CEP70: variants seen among roughly 807,000 people sequenced by gnomAD.
The protein encoded by CEP70 is centrosomal protein 70, also known as centrosomal protein of 70 kDa.
CEP70 carries 70 observed loss-of-function variants against 90.9 expected under a neutral mutation model. The ratio of observed to expected loss-of-function variants is 0.77; its 90% CI spans 0.64 to 0.94. CEP70 has a LOEUF of 0.94. Ranked by LOEUF, CEP70 falls within the 40% of genes least tolerant of loss-of-function variation. The pLI is 0.00. For synonymous variants in CEP70, 220 were observed against 228.3 expected (o/e 0.96, Z 0.33); for missense variants, 648 against 669.0 (o/e 0.97, Z 0.35).
intron 2 of CEP70, among the ~76,000 whole-genome samples, chr3:138,575,220 A>G (rs2041430950): frequency 6.6e-6 from 1 of 152,184 alleles, no homozygotes; most frequent in East Asian, 1.9e-4. Context: ...GATTAGATGA[A>G]TAGCTTACTA....
intron 11 of CEP70, among the ~76,000 whole-genome samples, chr3:138,515,723 A>G (rs1331598189): frequency 6.6e-6 from 1 of 152,122 alleles, no homozygotes; most frequent in Non-Finnish European, 1.5e-5. Context: ...AATGAAGACT[A>G]TCTATCTCTA....
At chr3:138,551,626 G>T (rs1264350627) in intron 6 of CEP70, among the ~76,000 whole-genome samples, 3 of 151,672 alleles carry the variant, frequency 2.0e-5, no homozygotes, top group African/African-American at 4.8e-5. Context: ...TGTGTCTGTA[G>T]TTCCAGCTAC....
chr3:138,536,519 G>A (rs895358003), intron 7 of CEP70, among the ~76,000 whole-genome samples: 1 of 151,940 alleles, frequency 6.6e-6, no homozygotes, highest in African/African-American at 2.4e-5. Context: ...TGCATACATA[G>A]TGGAATATAT....
chr3:138,523,212 A>AGATAGGACATTT (rs2036855617), intron 11 of CEP70, among the ~76,000 whole-genome samples: 20 of 152,234 alleles, frequency 1.3e-4, no homozygotes, highest in Non-Finnish European at 2.4e-4. Context: ...TTAGGTATTG[A>AGATAGGACATTT]TGGGACATAT....
At chr3:138,519,248 A>AACC (rs2036363319) in intron 11 of CEP70, among the ~76,000 whole-genome samples, 1 of 126,024 alleles carries the variant, frequency 7.9e-6, no homozygotes, top group Admixed American at 7.5e-5. Context: ...ACCAAGCTGG[A>AACC]AAACACTCTG....
chr3:138,500,822 C>T lies in CEP70; in HGVS notation c.1281G>A (p.Lys427=), dbSNP rs556813754. 2.1e-5 allele frequency: 33 copies of T among 1,605,776 alleles called. No homozygotes were observed. The South Asian group carries it at 3.7e-4, about 18-fold the overall frequency. Residue 427 remains lysine (K), a synonymous_variant, in exon 14 of 18, where the codon AAG becomes AAA. Coordinates refer to ENST00000264982, the MANE Select transcript of CEP70 (RefSeq NM_024491.4). The part of the protein sequence containing the change: ...SAELVPWLNL[K]KQDENEGIKV... ...TGATACCTTCATTTTCATCCTGCTT[C>T]TTCAAATTAAGCCAAGGTACCAGTT...
At chr3:138,505,235 TAATA>T (rs1228680102) in intron 13 of CEP70, 56 bp downstream of exon 13, 1 of 1,281,048 alleles carries the variant, frequency 7.8e-7, no homozygotes, top group Non-Finnish European at 1.0e-6. Flanking sequence ...TAAGTCCTAT[TAATA>T]AAGCACATAG....
At chr3:138,567,903 AT>A (rs1445391928) in intron 6 of CEP70, among the ~76,000 whole-genome samples, 6 of 152,096 alleles carry the variant, frequency 3.9e-5, no homozygotes, top group Non-Finnish European at 8.8e-5. Context: ...AAGTAAAAAT[AT>A]TTTTTCCTTC....
At chr3:138,516,282 A>G (rs2036012794) in intron 11 of CEP70, among the ~76,000 whole-genome samples, 1 of 152,230 alleles carries the variant, frequency 6.6e-6, no homozygotes, top group East Asian at 1.9e-4. Context: ...AATATCAAGG[A>G]ATAGTAGGAA....
chr3:138,538,909 A>G (rs1484123870), intron 6 of CEP70, among the ~76,000 whole-genome samples: 2 of 152,178 alleles, frequency 1.3e-5, no homozygotes, highest in East Asian at 3.8e-4. Flanking sequence ...CTGTTGTCAT[A>G]TAATTGTTCA....
chr3:138,569,192 GATTA>G (rs1324099751), intron 6 of CEP70, among the ~76,000 whole-genome samples: 1 of 152,044 alleles, frequency 6.6e-6, no homozygotes, highest in African/African-American at 2.4e-5. Context: ...TAGTATCTCT[GATTA>G]ATTCTCTCGG....
At chr3:138,546,592 T>C (rs527772969) in intron 6 of CEP70, among the ~76,000 whole-genome samples, 2 of 151,922 alleles carry the variant, frequency 1.3e-5, no homozygotes, top group African/African-American at 4.8e-5. Context: ...CTACTGAAAA[T>C]ACAAAACTTA....
At chr3:138,560,154 G>A (rs1255494482) in intron 6 of CEP70, among the ~76,000 whole-genome samples, 1 of 152,172 alleles carries the variant, frequency 6.6e-6, no homozygotes, top group Non-Finnish European at 1.5e-5. Flanking sequence ...GTTTCCAACT[G>A]AGGTACCGTG....
intron 6 of CEP70, among the ~76,000 whole-genome samples, chr3:138,562,999 C>T (rs1055207003): frequency 1.3e-4 from 19 of 150,624 alleles, no homozygotes; most frequent in African/African-American, 2.9e-4. Context: ...AATAAAGGGA[C>T]GGAGGAATAT....
intron 11 of CEP70, among the ~76,000 whole-genome samples, chr3:138,516,396 G>A (rs1010541368): frequency 2.0e-5 from 3 of 151,960 alleles, no homozygotes; most frequent in South Asian, 2.1e-4. Context: ...GGGGGGACGG[G>A]GGGTGGAGGG....
chr3:138,513,952 TAA>T (rs34596838), intron 11 of CEP70, among the ~76,000 whole-genome samples: 1 of 140,238 alleles, frequency 7.1e-6, no homozygotes, highest in Non-Finnish European at 1.6e-5. Flanking sequence ...ACTACAAATC[TAA>T]AAAAAAAAAA....
intron 11 of CEP70, among the ~76,000 whole-genome samples, chr3:138,515,997 TCTAC>T (rs2035980437): frequency 6.6e-6 from 1 of 152,126 alleles, no homozygotes; most frequent in Non-Finnish European, 1.5e-5. Flanking sequence ...TCCTATTAGT[TCTAC>T]CTCCATTCTC....
chr3:138,534,415 C>T (rs1225325898), intron 7 of CEP70, among the ~76,000 whole-genome samples: 5 of 152,190 alleles, frequency 3.3e-5, no homozygotes, highest in Non-Finnish European at 7.3e-5. Flanking sequence ...TCCTCTTGAC[C>T]TACTTCCCCC....
At chr3:138,509,056 T>C (rs1467086801) in intron 11 of CEP70, among the ~76,000 whole-genome samples, 2 of 152,128 alleles carry the variant, frequency 1.3e-5, no homozygotes, top group African/African-American at 4.8e-5. Context: ...TTTTAAATCA[T>C]ATTGTCACTG....
Sources: gnomAD v4.1 joint callset for allele counts (sites outside exome capture counted in the v4.1 genomes callset) on GRCh38, gnomAD v4.1.1 for gene constraint, MANE v1.5 for transcripts, NCBI Gene and HGNC (gene_info 2026-07-23, HGNC 2026-07-21) for gene names.